Variants in ABR observed in about 807,000 individuals in gnomAD.
ABR encodes the protein active breakpoint cluster region-related protein.
A neutral mutation model predicts 107.2 loss-of-function variants in ABR; 35 were observed. The observed-to-expected ratio is 0.33, with a 90% confidence interval of 0.25 to 0.43. ABR has a LOEUF of 0.43. ABR is among the 20% of genes least tolerant of loss of function. The pLI is 1.00. For synonymous variants in ABR, 498 were observed against 462.0 expected (o/e 1.08, Z -1.00); for missense variants, 815 against 1,115.2 (o/e 0.73, Z 3.83).
intron 1 of ABR, among the ~76,000 whole-genome samples, chr17:1,176,242 C>T (rs926875736): frequency 6.6e-6 from 1 of 152,192 alleles, no homozygotes; most frequent in African/African-American, 2.4e-5. Context: ...CTGCAAGAGG[C>T]ACAGGGCCAG....
intron 3 of ABR, among the ~76,000 whole-genome samples, chr17:1,098,080 T>A (rs527288443): frequency 6.6e-6 from 1 of 151,144 alleles, no homozygotes. Flanking sequence ...CTTTTCTTTT[T>A]TTTTTTTTTT....
Position 1,072,690 on chromosome 17 carries a change from A to T in ABR, c.818T>A (p.Ile273Asn). Residue 273 changes from isoleucine to asparagine, a missense_variant, in exon 8 of 23, where the codon ATC (isoleucine) becomes AAC (asparagine). Physicochemically the swap from Ile to Asn is moderately radical, Grantham distance 149. This residue lies in a region of ABR where 385 missense variants were observed against 596.9 expected (regional missense o/e 0.64). Coordinates refer to ENST00000302538, the MANE Select transcript of ABR (RefSeq NM_021962.5). ...GATGCTGGACAGGAAGTTCTGGGAG[A>T]TGCGGAGGGCATCCTGCAGCAGCGG... The part of the protein sequence containing the change: ...DYPLLQDALR[I>N]SQNFLSSINE... The T allele has an allele frequency of 2.5e-6, 4 of 1,613,592 alleles. No homozygotes were observed. Among genetic ancestry groups the T allele is most frequent in the South Asian group, 1.1e-5 (1 of 90,982 alleles).
intron 1 of ABR, among the ~76,000 whole-genome samples, chr17:1,214,424 T>G (rs1010035941): frequency 6.6e-6 from 1 of 152,198 alleles, no homozygotes; most frequent in Admixed American, 6.6e-5. Context: ...TTAACAAGTT[T>G]AAATTACCCT....
chr17:1,158,115 G>C (rs1009357097), intron 1 of ABR, among the ~76,000 whole-genome samples: 1 of 152,104 alleles, frequency 6.6e-6, no homozygotes, highest in Non-Finnish European at 1.5e-5. Context: ...GGAATTCCAG[G>C]CAGCTTTGAC....
At chr17:1,055,336 A>C (rs2033142660) in intron 14 of ABR, 1 of 152,320 alleles carries the variant, frequency 6.6e-6, no homozygotes, top group South Asian at 2.1e-4. Context: ...CCAGCGTTGC[A>C]CACACACGAT....
intron 16 of ABR, among the ~76,000 whole-genome samples, chr17:1,034,214 C>T (rs948348889): frequency 6.6e-6 from 1 of 152,024 alleles, no homozygotes; most frequent in African/African-American, 2.4e-5. Context: ...CAGCCTCCCA[C>T]AGTGCTGGGT....
At chr17:1,059,416 T>C (rs1321384591) in intron 10 of ABR, among the ~76,000 whole-genome samples, 1 of 152,184 alleles carries the variant, frequency 6.6e-6, no homozygotes, top group Admixed American at 6.5e-5. Flanking sequence ...ATAATACAAA[T>C]ATTACAGTAG....
chr17:1,153,262 A>G (rs1424060934), intron 1 of ABR, among the ~76,000 whole-genome samples: 1 of 151,662 alleles, frequency 6.6e-6, no homozygotes, highest in Admixed American at 6.6e-5. Flanking sequence ...CTGACACTAC[A>G]TGGGCCTGGC....
intron 2 of ABR, among the ~76,000 whole-genome samples, chr17:1,107,297 G>A (rs1022567891): frequency 7.2e-5 from 11 of 152,242 alleles, no homozygotes; most frequent in African/African-American, 2.4e-4. Flanking sequence ...GCGAGGCTGG[G>A]AACCTGGTGC....
chr17:1,026,695 G>A (rs1382845034), intron 16 of ABR, among the ~76,000 whole-genome samples: 1 of 152,198 alleles, frequency 6.6e-6, no homozygotes, highest in African/African-American at 2.4e-5. Context: ...AGGCGCAGGG[G>A]ACTGTCTGTT....
At chr17:1,028,114 C>G (rs1025440978) in intron 16 of ABR, among the ~76,000 whole-genome samples, 1 of 152,000 alleles carries the variant, frequency 6.6e-6, no homozygotes, top group African/African-American at 2.4e-5. Flanking sequence ...ACCCCAAGAC[C>G]GAGTCTCGCT....
rs1347339992 is a variant in ABR, at chr17:1,193,680, T to G, written c.838+35113A>C. The stretch of plus-strand genomic sequence containing the variant: ...TTCAAGCACATCAGTGCAGCCCTTT[T>G]TGTTTGTGTGTTTTTATGTTTGAGA... On this transcript the variant is annotated intron_variant, in intron 1 of 22. Coordinates refer to the ABR transcript ENST00000574139. 2.6e-5 allele frequency among the ~76,000 whole-genome samples: 4 copies of G among 152,122 alleles called. No individual in the cohort carries two copies. In the East Asian group the frequency reaches 5.8e-4, roughly 22 times the overall value.
At chr17:1,072,964 G>A (rs2035364429) in intron 7 of ABR, among the ~76,000 whole-genome samples, 1 of 152,158 alleles carries the variant, frequency 6.6e-6, no homozygotes, top group Non-Finnish European at 1.5e-5. Context: ...GGGATCTCTT[G>A]AGGTCAGAAG....
chr17:1,196,037 G>A lies in ABR; in HGVS notation c.838+32756C>T, dbSNP rs545387418. On this transcript the variant is annotated intron_variant, in intron 1 of 22. Coordinates refer to the ABR transcript ENST00000574139. ...CCAGGTACTCAGGTGGCTGAGGCAC[G>A]AGGATCGCTTGAACCAAGAAGGAGA... Among the ~76,000 whole-genome samples, 25 of 149,254 alleles carry A rather than the reference G, an allele frequency of 1.7e-4. 1 individual carries two copies. Among genetic ancestry groups the A allele is most frequent in the Admixed American group, 1.2e-3 (18 of 14,982 alleles).
rs933234039 is a variant in ABR at position 1,102,917 on chromosome 17, C to T, written c.247-2182G>A. Among the ~76,000 whole-genome samples, 6 of 152,210 alleles carry T rather than the reference C, an allele frequency of 3.9e-5. No individual in the cohort carries two copies. The South Asian group carries it at 1.2e-3, about 32-fold the overall frequency. Reference sequence around the variant, plus strand: ...TAGAGATGGGGTTTCACCATGTTGGCCAGGCTCGTCTCAAACTCCTGACCT... The same window carrying T: ...TAGAGATGGGGTTTCACCATGTTGGTCAGGCTCGTCTCAAACTCCTGACCT... On this transcript the variant is annotated intron_variant, in intron 2 of 22. Coordinates refer to ENST00000302538, the MANE Select transcript of ABR (RefSeq NM_021962.5).
At chr17:1,066,504 T>A (rs12948408) in intron 10 of ABR, among the ~76,000 whole-genome samples, 2 of 152,286 alleles carry the variant, frequency 1.3e-5, no homozygotes, top group African/African-American at 4.8e-5. Context: ...AGCCTGCTTT[T>A]TCTTCTCTTG....
At chr17:1,188,283 G>A (rs2042355258), upstream of ABR, among the ~76,000 whole-genome samples, 1 of 152,102 alleles carries the variant, frequency 6.6e-6, no homozygotes, top group Non-Finnish European at 1.5e-5. Flanking sequence ...AGCTGCAGTG[G>A]CTTATGCCTG....
At chr17:1,068,240 C>G (rs1348225108) in intron 9 of ABR, among the ~76,000 whole-genome samples, 1 of 152,210 alleles carries the variant, frequency 6.6e-6, no homozygotes, top group Non-Finnish European at 1.5e-5. Flanking sequence ...CCCAGTCATC[C>G]CTTTATTGAC....
rs753959613 is a variant in ABR, at chr17:1,070,010, T to C, written c.975A>G (p.Thr325=). 8 of 1,609,580 alleles carry C rather than the reference T, an allele frequency of 5.0e-6. No individual in the cohort carries two copies. Among genetic ancestry groups the C allele is most frequent in the African/African-American group, 1.3e-5 (1 of 74,378 alleles). Residue 325 remains threonine (T), a synonymous_variant, in exon 9 of 23, where the codon ACA becomes ACG. Coordinates refer to ENST00000302538, the MANE Select transcript of ABR (RefSeq NM_021962.5). This position sits in a 1 kb window ranked among gnomAD's most constrained non-coding sequence, Gnocchi z 4.2. ...TCAGCTTGGCACACAGTAGGACATC[T>C]GTAAAGAGGAAGACGTGCCGCAGCT... ...SRKLRHVFLF[T]DVLLCAKLKK...
Sources: allele counts gnomAD v4.1 joint callset (sites outside exome capture counted in the v4.1 genomes callset), GRCh38; gene constraint gnomAD v4.1.1; regional missense constraint gnomAD v4.1.1; non-coding constraint Gnocchi (gnomAD v3.1); transcripts MANE v1.5; gene names NCBI Gene and HGNC (gene_info 2026-07-23, HGNC 2026-07-21).